Variants in AFG1L observed in about 807,000 individuals in gnomAD.
AFG1L encodes AFG1 like ATPase.
In AFG1L, 53 loss-of-function variants were observed where a neutral mutation model predicts 62.2. The observed-to-expected ratio is 0.85, with a 90% CI of 0.68 to 1.07. The LOEUF (loss-of-function observed/expected upper bound fraction) is 1.07. Ranked by LOEUF, AFG1L falls within the 50% of genes least tolerant of loss-of-function variation. The probability of loss-of-function intolerance (pLI) is 0.00; values close to 1 mark genes in which losing one functional copy is unlikely to be tolerated. For synonymous variants in AFG1L, 228 were observed against 210.3 expected (o/e 1.08, Z -0.73); for missense variants, 555 against 590.5 (o/e 0.94, Z 0.62).
At chr6:108,311,113 C>T (rs1777388257) in intron 1 of AFG1L, among the ~76,000 whole-genome samples, 1 of 152,186 alleles carries the variant, frequency 6.6e-6, no homozygotes, top group Non-Finnish European at 1.5e-5. Context: ...AACTGCTTAT[C>T]ATTGCAATGC....
At chr6:108,318,614 T>C (rs997306959) in intron 1 of AFG1L, among the ~76,000 whole-genome samples, 1 of 152,234 alleles carries the variant, frequency 6.6e-6, no homozygotes, top group Admixed American at 6.5e-5. Flanking sequence ...ACACAAGATA[T>C]TGATTAAATC....
chr6:108,376,414 A>G (rs1225736011), intron 6 of AFG1L, among the ~76,000 whole-genome samples: 1 of 151,194 alleles, frequency 6.6e-6, no homozygotes, highest in Admixed American at 6.6e-5. Context: ...GTTGATTAGT[A>G]TCTCTGGGAT....
At chr6:108,431,971 ACCCTACAACT>A (rs1206863493) in intron 7 of AFG1L, among the ~76,000 whole-genome samples, 1 of 147,936 alleles carries the variant, frequency 6.8e-6, no homozygotes, top group Non-Finnish European at 1.5e-5. Flanking sequence ...TGACAGGGAG[ACCCTACAACT>A]CTCTGTGCTG....
At chr6:108,385,368 G>C (rs1219744815) in intron 6 of AFG1L, among the ~76,000 whole-genome samples, 2 of 152,232 alleles carry the variant, frequency 1.3e-5, no homozygotes, top group Non-Finnish European at 2.9e-5. Flanking sequence ...AACCGCTTAA[G>C]GCGTTCTTAA....
intron 6 of AFG1L, among the ~76,000 whole-genome samples, chr6:108,374,451 A>G (rs1266373647): frequency 6.6e-6 from 1 of 152,208 alleles, no homozygotes; most frequent in South Asian, 2.1e-4. Flanking sequence ...ATTTTCATCT[A>G]GGATTCTTAT....
chr6:108,348,843 T>C (rs1324530363), intron 3 of AFG1L, among the ~76,000 whole-genome samples: 1 of 152,244 alleles, frequency 6.6e-6, no homozygotes. Context: ...TCCTGTTACC[T>C]TAACCACCTG....
At chr6:108,441,489 C>T (rs984385935) in intron 7 of AFG1L, among the ~76,000 whole-genome samples, 1 of 151,606 alleles carries the variant, frequency 6.6e-6, no homozygotes, top group Non-Finnish European at 1.5e-5. Context: ...TGTTTGCTGG[C>T]TGATTAGTGT....
In AFG1L at chr6:108,295,109, C is replaced by T. The variant is rs748918150; in HGVS notation, c.30C>T (p.Thr10=). 2.0e-5 allele frequency: 33 copies of T among 1,611,558 alleles called. No homozygotes were observed. The highest frequency in any genetic ancestry group is 2.7e-5 in the Non-Finnish European group (32 of 1,179,998). The change falls in exon 1 of 13, where the codon ACC becomes ACT. Residue 10 remains threonine, a synonymous_variant. Coordinates refer to ENST00000368977, the MANE Select transcript of AFG1L (RefSeq NM_145315.5). The part of the protein sequence containing the change: MAASWSLLV[T]LRPLAQSPLR... ...CGGCCTCCTGGTCGCTCTTGGTTAC[C>T]CTGCGCCCCTTAGCACAGAGCCCGC...
intron 1 of AFG1L, among the ~76,000 whole-genome samples, chr6:108,309,908 C>G (rs1031700125): frequency 3.3e-5 from 5 of 152,186 alleles, no homozygotes; most frequent in African/African-American, 1.2e-4. Context: ...CAAGACAACA[C>G]TTTAGCCTGT....
In AFG1L at chr6:108,402,007, A is replaced by G; in HGVS notation, c.760A>G (p.Asn254Asp). The G allele has an allele frequency of 6.7e-7, 1 of 1,489,462 alleles. No homozygotes were observed. Among genetic ancestry groups the G allele is most frequent in the Non-Finnish European group, 9.1e-7 (1 of 1,100,454 alleles). The allele number at this position is 1,489,462 out of a possible 1,614,324, so 92.3% of individuals were successfully genotyped here. Residue 254 changes from asparagine to aspartate, a missense_variant, in exon 7 of 13, where the codon AAT (asparagine) becomes GAT (aspartate). Coordinates refer to ENST00000368977, the MANE Select transcript of AFG1L (RefSeq NM_145315.5). Reference protein sequence around the residue: ...SNRPPEDLYKNGLQRANFVPF... With the variant: ...SNRPPEDLYKDGLQRANFVPF... ...TTTTTTTCTTTCAGATCTCTATAAA[A>G]ATGGACTCCAAAGAGCTAACTTTGT...
intron 1 of AFG1L, among the ~76,000 whole-genome samples, chr6:108,307,000 C>CT (rs1019029233): frequency 5.3e-5 from 8 of 151,378 alleles, no homozygotes; most frequent in African/African-American, 1.5e-4. Flanking sequence ...ACATAAATTA[C>CT]TTTTTTTTTC....
intron 6 of AFG1L, chr6:108,372,716 A>T (rs1175783723): frequency 6.5e-6 from 1 of 154,624 alleles, no homozygotes; most frequent in African/African-American, 2.4e-5. Context: ...TGCAGAGAGG[A>T]GTAGAAACTG....
chr6:108,345,653 ATT>A (rs574604628), intron 2 of AFG1L, among the ~76,000 whole-genome samples: 2 of 145,800 alleles, frequency 1.4e-5, no homozygotes. Context: ...TATTTTTGAG[ATT>A]TTTTTTTTTT....
rs752644360 is a variant in AFG1L at position 108,447,226 on chromosome 6, A to G, written c.820A>G (p.Thr274Ala). 16 of 1,595,464 alleles carry G rather than the reference A, an allele frequency of 1.0e-5. No individual in the cohort carries two copies. The highest frequency in any genetic ancestry group is 1.4e-5 in the Non-Finnish European group (16 of 1,163,698). The change falls in exon 8 of 13, where the codon ACA becomes GCA. Residue 274 changes from threonine to alanine, a missense_variant. Thr to Ala is a moderately conservative substitution (Grantham distance 58, BLOSUM62 0). Coordinates refer to ENST00000368977, the MANE Select transcript of AFG1L (RefSeq NM_145315.5). Reference protein sequence around the residue: ...FIAVLKEYCNTVQLDSGIDYR... With the variant: ...FIAVLKEYCNAVQLDSGIDYR... ...GTTTGGATTGTAGGAATATTGTAAT[A>G]CAGTCCAGCTAGATTCTGGGATAGA...
At position 108,359,883 on chromosome 6, in the gene AFG1L, TACAA is replaced by T. The variant is rs536300543; in HGVS notation, c.648+3067_648+3070del. The T allele has an allele frequency of 2.1e-3, 325 of 152,372 alleles. 1 individual carries two copies. The highest frequency in any genetic ancestry group is 3.9e-3 in the Non-Finnish European group (264 of 68,054). The allele number at this position is 152,372 out of a possible 1,614,324, so 9.4% of individuals were successfully genotyped here. A position where few individuals can be genotyped will look rare whatever the true frequency, so the allele number is the denominator to read the frequency against. ...AGCTGGATCTCCAGTGCCTATTTCT[TACAA>T]ACAGTCTTGATGAGAATAGAACTAT... is the stretch of plus-strand genomic sequence containing the variant. On this transcript the variant is annotated intron_variant, in intron 5 of 12. Coordinates refer to ENST00000368977, the MANE Select transcript of AFG1L (RefSeq NM_145315.5).
chr6:108,433,289 A>ATTT (rs139854774), intron 7 of AFG1L, among the ~76,000 whole-genome samples: 24 of 151,838 alleles, frequency 1.6e-4, no homozygotes, highest in African/African-American at 2.2e-4. Context: ...TATTATTATT[A>ATTT]TTTTTTGAGA....
At chr6:108,358,262 T>G (rs9400225) in intron 5 of AFG1L, among the ~76,000 whole-genome samples, 52,707 of 152,100 alleles carry the variant, frequency 0.35, 11,274 homozygotes, top group East Asian at 0.63. Flanking sequence ...TAAATAAAAC[T>G]GAACTGGCAT....
intron 6 of AFG1L, among the ~76,000 whole-genome samples, chr6:108,391,775 C>T (rs1781067855): frequency 6.6e-6 from 1 of 152,048 alleles, no homozygotes; most frequent in Admixed American, 6.6e-5. Flanking sequence ...TTTAAAAAGC[C>T]ATGCAACAGA....
At chr6:108,417,358 G>A (rs1770364642) in intron 7 of AFG1L, among the ~76,000 whole-genome samples, 1 of 151,874 alleles carries the variant, frequency 6.6e-6, no homozygotes, top group East Asian at 1.9e-4. Flanking sequence ...AGTGGAGGAG[G>A]TAGCACATGT....
Sources: allele counts gnomAD v4.1 joint callset (sites outside exome capture counted in the v4.1 genomes callset), GRCh38; gene constraint gnomAD v4.1.1; transcripts MANE v1.5; gene names NCBI Gene and HGNC (gene_info 2026-07-23, HGNC 2026-07-21).